LRP1B: variants seen among roughly 807,000 people sequenced by gnomAD.
LRP1B encodes the protein low-density lipoprotein receptor-related protein 1B.
LRP1B carries 217 observed loss-of-function variants against 556.6 expected under a neutral mutation model. That is an observed-to-expected ratio of 0.39 (90% CI 0.35 to 0.44). The LOEUF is 0.44. LRP1B is among the 20% of genes least tolerant of loss of function. LRP1B has a pLI of 1.00. For missense variants in LRP1B, 5,053 were observed against 5,620.8 expected (o/e 0.90, Z 3.23); for synonymous variants, 2,047 against 1,865.8 (o/e 1.10, Z -2.50).
intron 2 of LRP1B, among the ~76,000 whole-genome samples, chr2:141,495,931 GC>G (rs1321135279): frequency 2.0e-5 from 3 of 151,974 alleles, no homozygotes; most frequent in African/African-American, 7.2e-5. Flanking sequence ...TGGTAGAATA[GC>G]ACAGTATTTA....
intron 5 of LRP1B, 146 bp downstream of exon 5, chr2:141,247,080 C>G: frequency 1.2e-6 from 1 of 818,904 alleles, no homozygotes; most frequent in South Asian, 1.7e-5. Context: ...CTCTGGATTC[C>G]TAACTATAGA....
At chr2:141,773,027 G>T (rs930470200) in intron 2 of LRP1B, among the ~76,000 whole-genome samples, 1 of 152,016 alleles carries the variant, frequency 6.6e-6, no homozygotes, top group African/African-American at 2.4e-5. Context: ...ACTGGGTGGG[G>T]GTAATATATT....
chr2:140,716,545 A>G, intron 36 of LRP1B, 137 bp downstream of exon 36: 1 of 826,844 alleles, frequency 1.2e-6, no homozygotes, highest in South Asian at 2.5e-5. Flanking sequence ...AGCCAAAAGC[A>G]AAAGAGACTA....
chr2:140,303,668 TTTTA>T (rs1385915184), intron 83 of LRP1B, among the ~76,000 whole-genome samples: 4 of 152,118 alleles, frequency 2.6e-5, no homozygotes, highest in African/African-American at 9.7e-5. Flanking sequence ...TAAAAAATCT[TTTTA>T]TTATACCTTA....
rs527527791 is a variant in LRP1B at position 141,463,935 on chromosome 2, T to G, written c.343+16461A>C. Among the ~76,000 whole-genome samples the G allele has an allele frequency of 1.4e-4, 21 of 150,988 alleles. 1 individual carries two copies. Among genetic ancestry groups the G allele is most frequent in the African/African-American group, 4.6e-4 (19 of 41,234 alleles). ...CTGATTTTGGGGGGCCATAAAATCC[T>G]GTGCTATGTATAAACTAAAAATGCA... On this transcript the variant is annotated intron_variant, in intron 3 of 90. Coordinates refer to ENST00000389484, the MANE Select transcript of LRP1B (RefSeq NM_018557.3).
intron 2 of LRP1B, among the ~76,000 whole-genome samples, chr2:141,748,485 C>T (rs752068813): frequency 1.3e-5 from 2 of 152,138 alleles, no homozygotes; most frequent in African/African-American, 2.4e-5. Context: ...TGGGCAAGCG[C>T]TCATTATCAA....
Position 141,221,428 on chromosome 2 carries a change from C to T in LRP1B, c.850+7755G>A, listed in dbSNP as rs1417069652. 2.0e-5 allele frequency among the ~76,000 whole-genome samples: 3 copies of T among 152,038 alleles called. No individual in the cohort carries two copies. The East Asian group carries it at 5.8e-4, about 29-fold the overall frequency. Reference sequence around the variant, plus strand: ...CATAAAACAAGTTCTTAGAGACGTACATAGTCTTTTACTCCCACACAATGA... The same window carrying T: ...CATAAAACAAGTTCTTAGAGACGTATATAGTCTTTTACTCCCACACAATGA... On this transcript the variant is annotated intron_variant, in intron 6 of 90. Transcript: ENST00000389484.
chr2:141,950,054 C>T (rs1022545770), intron 1 of LRP1B, among the ~76,000 whole-genome samples: 1 of 152,134 alleles, frequency 6.6e-6, no homozygotes, highest in Non-Finnish European at 1.5e-5. Flanking sequence ...CTTGTATGTT[C>T]GGCCTTGATT....
chr2:141,187,130 A>T (rs1177020168), intron 7 of LRP1B, among the ~76,000 whole-genome samples: 3 of 152,092 alleles, frequency 2.0e-5, no homozygotes, highest in Non-Finnish European at 2.9e-5. Context: ...CAAACAAATC[A>T]GTCTAAATAC....
At chr2:142,039,357 T>C (rs1394600400) in intron 1 of LRP1B, among the ~76,000 whole-genome samples, 1 of 151,468 alleles carries the variant, frequency 6.6e-6, no homozygotes, top group Non-Finnish European at 1.5e-5. Flanking sequence ...GCCACATTAA[T>C]TTCTGCCATC....
At chr2:140,722,408 T>C (rs1255400627) in intron 35 of LRP1B, among the ~76,000 whole-genome samples, 1 of 152,222 alleles carries the variant, frequency 6.6e-6, no homozygotes, top group Non-Finnish European at 1.5e-5. Flanking sequence ...TTTATTTTAA[T>C]GCATTAATTA....
At chr2:140,692,709 T>G (rs1417574420) in intron 41 of LRP1B, among the ~76,000 whole-genome samples, 1 of 152,148 alleles carries the variant, frequency 6.6e-6, no homozygotes, top group African/African-American at 2.4e-5. Context: ...TTTGTTGGTT[T>G]TAAGGATTGC....
intron 1 of LRP1B, among the ~76,000 whole-genome samples, chr2:141,982,529 A>C (rs1199503097): frequency 1.3e-5 from 2 of 152,156 alleles, no homozygotes; most frequent in African/African-American, 4.8e-5. Flanking sequence ...TCTTAATTAT[A>C]TTTGAACGCT....
chr2:140,871,700 A>G (rs1693134404), intron 25 of LRP1B, among the ~76,000 whole-genome samples: 1 of 152,156 alleles, frequency 6.6e-6, no homozygotes, highest in Non-Finnish European at 1.5e-5. Flanking sequence ...TTATTTACAT[A>G]ACAAGGCCAA....
chr2:141,134,235 T>C (rs1701435599), intron 7 of LRP1B, among the ~76,000 whole-genome samples: 1 of 151,830 alleles, frequency 6.6e-6, no homozygotes, highest in Non-Finnish European at 1.5e-5. Context: ...TAGCCACGGA[T>C]TCTAGTAAGG....
At chr2:141,289,868 T>G (rs1475564525) in intron 3 of LRP1B, among the ~76,000 whole-genome samples, 1 of 152,212 alleles carries the variant, frequency 6.6e-6, no homozygotes, top group African/African-American at 2.4e-5. Context: ...TACTTCTACC[T>G]TATATATGTG....
At chr2:141,911,455 G>A (rs1287327478) in intron 1 of LRP1B, among the ~76,000 whole-genome samples, 1 of 152,092 alleles carries the variant, frequency 6.6e-6, no homozygotes, top group Non-Finnish European at 1.5e-5. Context: ...TTCACAGCAG[G>A]CTATGACCTG....
chr2:141,189,077 A>T (rs1011341482), intron 6 of LRP1B, among the ~76,000 whole-genome samples: 2 of 151,996 alleles, frequency 1.3e-5, no homozygotes, highest in Non-Finnish European at 1.5e-5. Context: ...TTGAAAAAAT[A>T]TCCAAAACTT....
At chr2:141,624,925 A>G (rs1024405724) in intron 2 of LRP1B, among the ~76,000 whole-genome samples, 3 of 151,724 alleles carry the variant, frequency 2.0e-5, no homozygotes, top group Admixed American at 2.0e-4. Flanking sequence ...GCCCGCCACC[A>G]CGCCCGGCTA....
Sources: gnomAD v4.1 joint callset for allele counts (sites outside exome capture counted in the v4.1 genomes callset) on GRCh38, gnomAD v4.1.1 for gene constraint, MANE v1.5 for transcripts, NCBI Gene and HGNC (gene_info 2026-07-23, HGNC 2026-07-21) for gene names.